Variants in HS6ST3 observed in about 807,000 individuals in gnomAD.
HS6ST3 encodes the protein heparan-sulfate 6-O-sulfotransferase 3.
In HS6ST3, 12 loss-of-function variants were observed where a neutral mutation model predicts 36.7. The ratio of observed to expected loss-of-function variants is 0.33; its 90% CI spans 0.21 to 0.53. HS6ST3 has a LOEUF of 0.53. Ranked by LOEUF, HS6ST3 falls within the 20% of genes least tolerant of loss-of-function variation. The probability of loss-of-function intolerance (pLI) is 0.95; values close to 1 mark genes in which losing one functional copy is unlikely to be tolerated. For synonymous variants in HS6ST3, 240 were observed against 257.5 expected (o/e 0.93, Z 0.65); for missense variants, 584 against 640.9 (o/e 0.91, Z 0.96).
At chr13:96,725,828 A>T (rs1431732410) in intron 1 of HS6ST3, among the ~76,000 whole-genome samples, 2 of 151,254 alleles carry the variant, frequency 1.3e-5, no homozygotes, top group Non-Finnish European at 3.0e-5. Flanking sequence ...TCTTTTTTTT[A>T]ATTTATTTTA....
chr13:96,174,076 G>A (rs1359129328), intron 1 of HS6ST3, among the ~76,000 whole-genome samples: 1 of 152,030 alleles, frequency 6.6e-6, no homozygotes, highest in African/African-American at 2.4e-5. Flanking sequence ...CTGGGAAACA[G>A]GTTATAAGTG....
At chr13:96,585,439 T>C (rs960802912) in intron 1 of HS6ST3, among the ~76,000 whole-genome samples, 5 of 152,206 alleles carry the variant, frequency 3.3e-5, no homozygotes, top group Non-Finnish European at 5.9e-5. Flanking sequence ...AAGTAGCTAA[T>C]TAACATATCC....
At chr13:96,821,295 C>G (rs1878529622) in intron 1 of HS6ST3, among the ~76,000 whole-genome samples, 1 of 152,188 alleles carries the variant, frequency 6.6e-6, no homozygotes, top group African/African-American at 2.4e-5. Flanking sequence ...TGCTGTCTCC[C>G]TGCAGGTAGA....
chr13:96,464,947 C>CGTGTGTGTGTGTGT (rs71113997), intron 1 of HS6ST3, among the ~76,000 whole-genome samples: 1 of 145,460 alleles, frequency 6.9e-6, no homozygotes, highest in African/African-American at 2.6e-5. Flanking sequence ...CAAGATGCTT[C>CGTGTGTGTGTGTGT]GTGTGTGTGT....
At chr13:96,138,370 CAT>C (rs991694539) in intron 1 of HS6ST3, among the ~76,000 whole-genome samples, 4 of 149,472 alleles carry the variant, frequency 2.7e-5, no homozygotes, top group Admixed American at 1.3e-4. Context: ...TGATATATAA[CAT>C]ATATAAATAT....
chr13:96,210,976 G>A lies in HS6ST3; in HGVS notation c.707+119407G>A, dbSNP rs140886601. On this transcript the variant is annotated intron_variant, in intron 1 of 1. Transcript: ENST00000376705. ...AGACAGAGTCTCACTCTGTTGCCCA[G>A]GCTGGAGTGCAGTGGTATGATTTTG... is the stretch of plus-strand genomic sequence containing the variant. Among the ~76,000 whole-genome samples, 91 of 151,664 alleles carry A rather than the reference G, an allele frequency of 6.0e-4. 2 individuals carry two copies. The highest frequency in any genetic ancestry group is 2.1e-3 in the African/African-American group (88 of 41,316).
intron 1 of HS6ST3, among the ~76,000 whole-genome samples, chr13:96,180,749 A>G (rs1179258628): frequency 1.4e-5 from 1 of 70,254 alleles, no homozygotes; most frequent in African/African-American, 5.3e-5. Context: ...GAGCAGATTA[A>G]GAGTCTGAGG....
intron 1 of HS6ST3, among the ~76,000 whole-genome samples, chr13:96,249,264 T>C (rs1319783133): frequency 6.6e-6 from 1 of 152,190 alleles, no homozygotes; most frequent in Non-Finnish European, 1.5e-5. Context: ...ATCTTAACAC[T>C]GGGCCCCAGA....
At chr13:96,183,735 G>T (rs558813092) in intron 1 of HS6ST3, among the ~76,000 whole-genome samples, 1 of 152,296 alleles carries the variant, frequency 6.6e-6, no homozygotes. Context: ...CAAATTCATG[G>T]AGACAGAAAA....
intron 1 of HS6ST3, among the ~76,000 whole-genome samples, chr13:96,412,228 C>T (rs1009979915): frequency 3.9e-5 from 6 of 152,108 alleles, no homozygotes; most frequent in Admixed American, 3.3e-4. Flanking sequence ...TGGTCTCGAT[C>T]TCTCGACCTT....
At chr13:96,732,750 T>G (rs576907183) in intron 1 of HS6ST3, among the ~76,000 whole-genome samples, 33 of 152,358 alleles carry the variant, frequency 2.2e-4, no homozygotes, top group Middle Eastern at 3.4e-3. Flanking sequence ...TTGAGTAGAA[T>G]GGACATTTTA....
At chr13:96,499,679 A>C (rs2055994595) in intron 1 of HS6ST3, among the ~76,000 whole-genome samples, 1 of 152,126 alleles carries the variant, frequency 6.6e-6, no homozygotes, top group Non-Finnish European at 1.5e-5. Context: ...CAGCATGAAC[A>C]GCCTGGATAA....
chr13:96,740,826 A>G (rs1319706258), intron 1 of HS6ST3, among the ~76,000 whole-genome samples: 5 of 152,186 alleles, frequency 3.3e-5, no homozygotes, highest in Admixed American at 1.3e-4. Flanking sequence ...AGGGGGAGAC[A>G]GAAGTCAGCC....
chr13:96,249,177 CA>C (rs2054597012), intron 1 of HS6ST3, among the ~76,000 whole-genome samples: 1 of 152,278 alleles, frequency 6.6e-6, no homozygotes, highest in Middle Eastern at 3.4e-3. Context: ...TCCTGTTTCC[CA>C]TTTTCAACTA....
chr13:96,242,074 C>T (rs538792058), intron 1 of HS6ST3, among the ~76,000 whole-genome samples: 77 of 151,706 alleles, frequency 5.1e-4, no homozygotes, highest in African/African-American at 1.8e-3. Context: ...CGTGAGCCAC[C>T]GCGCCTGGCC....
intron 1 of HS6ST3, among the ~76,000 whole-genome samples, chr13:96,500,767 G>A (rs2138912779): frequency 6.6e-6 from 1 of 152,276 alleles, no homozygotes; most frequent in Non-Finnish European, 1.5e-5. Flanking sequence ...TTTCTAGAGA[G>A]AGATTTTATT....
chr13:96,278,569 G>A lies in HS6ST3; in HGVS notation c.707+187000G>A, dbSNP rs1229420479. ...AAAAAATCCAAAATTAGAAGACTAA[G>A]AACTAGAGCAGTCTTGCACCATACT... is the stretch of plus-strand genomic sequence containing the variant. On this transcript the variant is annotated intron_variant, in intron 1 of 1. Transcript: ENST00000376705. Among the ~76,000 whole-genome samples, 4 of 152,284 alleles carry A rather than the reference G, an allele frequency of 2.6e-5. No homozygotes were observed. The East Asian group carries it at 5.8e-4, about 22-fold the overall frequency.
At chr13:96,730,635 A>G (rs1876127264) in intron 1 of HS6ST3, among the ~76,000 whole-genome samples, 1 of 152,084 alleles carries the variant, frequency 6.6e-6, no homozygotes, top group Admixed American at 6.6e-5. Context: ...TGGCACGATC[A>G]TTGCTCCCTG....
intron 1 of HS6ST3, among the ~76,000 whole-genome samples, chr13:96,447,947 C>T (rs974738285): frequency 2.6e-5 from 4 of 152,080 alleles, no homozygotes; most frequent in South Asian, 2.1e-4. Context: ...AAAACTGGTG[C>T]GAGGACCAAG....
Sources: gnomAD v4.1 joint callset for allele counts (sites outside exome capture counted in the v4.1 genomes callset) on GRCh38, gnomAD v4.1.1 for gene constraint, MANE v1.5 for transcripts, NCBI Gene and HGNC (gene_info 2026-07-23, HGNC 2026-07-21) for gene names.